GRB10: variants seen among roughly 807,000 people sequenced by gnomAD.
GRB10 encodes growth factor receptor-bound protein 10.
Under a neutral mutation model 80.9 loss-of-function variants are expected in GRB10, and 20 were observed. That is an observed-to-expected ratio of 0.25 (90% CI 0.17 to 0.36). The LOEUF (loss-of-function observed/expected upper bound fraction) is 0.36. GRB10 is among the 10% of genes least tolerant of loss of function. The pLI, the probability that GRB10 is intolerant of heterozygous loss-of-function variation, is 1.00. For missense variants in GRB10, 548 were observed against 747.7 expected (o/e 0.73, Z 3.12); for synonymous variants, 291 against 291.5 (o/e 1.00, Z 0.02).
intron 5 of GRB10, among the ~76,000 whole-genome samples, chr7:50,693,227 A>C (rs949586626): frequency 1.3e-5 from 2 of 152,264 alleles, no homozygotes; most frequent in Non-Finnish European, 2.9e-5. Flanking sequence ...AGGAAAAAAA[A>C]CAAAATTTTT....
At chr7:50,635,379 G>A (rs1260464684) in intron 7 of GRB10, among the ~76,000 whole-genome samples, 8 of 152,154 alleles carry the variant, frequency 5.3e-5, no homozygotes, top group South Asian at 2.1e-4. Flanking sequence ...CAAAAGCAGT[G>A]CTAAGAAATA....
intron 4 of GRB10, among the ~76,000 whole-genome samples, chr7:50,722,230 C>G (rs149474975): frequency 1.3e-5 from 2 of 152,204 alleles, no homozygotes; most frequent in Non-Finnish European, 1.5e-5. Context: ...CACTCTCATG[C>G]CCACTCAGGA....
chr7:50,760,078 C>A (rs2075588148), intron 2 of GRB10, among the ~76,000 whole-genome samples: 1 of 152,174 alleles, frequency 6.6e-6, no homozygotes, highest in Non-Finnish European at 1.5e-5. Flanking sequence ...ATGGGTTAGC[C>A]AGAGAGCGTG....
chr7:50,693,012 C>T (rs1048694570), intron 5 of GRB10, among the ~76,000 whole-genome samples: 19 of 152,084 alleles, frequency 1.2e-4, no homozygotes, highest in Non-Finnish European at 2.6e-4. Context: ...TAGCACAGGC[C>T]TCAAAGTCAT....
At chr7:50,686,721 C>T (rs147419056) in intron 5 of GRB10, among the ~76,000 whole-genome samples, 4 of 152,256 alleles carry the variant, frequency 2.6e-5, no homozygotes, top group African/African-American at 9.6e-5. Flanking sequence ...CCAGGCAATT[C>T]TCATAGTTCA....
intron 7 of GRB10, among the ~76,000 whole-genome samples, chr7:50,640,636 C>T (rs1328572763): frequency 6.6e-6 from 1 of 152,208 alleles, no homozygotes; most frequent in African/African-American, 2.4e-5. Flanking sequence ...CTTGTCCTCT[C>T]AAACCTATGA....
In GRB10 at chr7:50,677,056, C is replaced by T. The variant is rs568176767; in HGVS notation, c.140-2398G>A. Among the ~76,000 whole-genome samples the T allele has an allele frequency of 2.4e-4, 36 of 152,200 alleles. No homozygotes were observed. In the Middle Eastern group the frequency reaches 0.01, roughly 43 times the overall value. On this transcript the variant is annotated intron_variant, in intron 5 of 18. Coordinates refer to ENST00000401949, the MANE Select transcript of GRB10 (RefSeq NM_001350814.2). Reference sequence around the variant, plus strand: ...GAAGAGGAAGGTTGCCTTAGAAAAACAGGGGTCAGATGGATCCGAAGATGC... The same window carrying T: ...GAAGAGGAAGGTTGCCTTAGAAAAATAGGGGTCAGATGGATCCGAAGATGC...
At chr7:50,672,165 C>A (rs574705041) in intron 6 of GRB10, among the ~76,000 whole-genome samples, 2 of 152,188 alleles carry the variant, frequency 1.3e-5, no homozygotes, top group African/African-American at 4.8e-5. Flanking sequence ...ACCCTGCCTG[C>A]CCCCCAGCTC....
chr7:50,623,836 A>G (rs1030176073), intron 8 of GRB10, among the ~76,000 whole-genome samples: 14 of 152,040 alleles, frequency 9.2e-5, no homozygotes, highest in African/African-American at 3.4e-4. Flanking sequence ...TTTTTTTTCA[A>G]ATTTTGGAAC....
intron 7 of GRB10, among the ~76,000 whole-genome samples, chr7:50,664,907 TTAATTTCA>T (rs2059648590): frequency 6.6e-6 from 1 of 152,244 alleles, no homozygotes; most frequent in Admixed American, 6.5e-5. Context: ...AATGACTAAT[TTAATTTCA>T]CCACCTTTTA....
At chr7:50,698,232 C>T (rs151233499) in intron 5 of GRB10, among the ~76,000 whole-genome samples, 40 of 152,260 alleles carry the variant, frequency 2.6e-4, no homozygotes, top group Middle Eastern at 3.4e-3. Flanking sequence ...TATGTACATG[C>T]AAGAAGTTAC....
At chr7:50,698,090 C>T (rs184176304) in intron 5 of GRB10, among the ~76,000 whole-genome samples, 3 of 152,316 alleles carry the variant, frequency 2.0e-5, no homozygotes, top group African/African-American at 4.8e-5. Context: ...ACACATCATG[C>T]TTTCCTTTTT....
At chr7:50,677,361 A>G (rs1041528097) in intron 5 of GRB10, among the ~76,000 whole-genome samples, 3 of 152,146 alleles carry the variant, frequency 2.0e-5, no homozygotes, top group Admixed American at 2.0e-4. Context: ...TTGGCAAAAA[A>G]TCAGGACCCC....
intron 7 of GRB10, among the ~76,000 whole-genome samples, chr7:50,643,172 G>A (rs113357805): frequency 3.0e-4 from 45 of 152,268 alleles, no homozygotes; most frequent in African/African-American, 1.1e-3. Context: ...GTAAATTTGG[G>A]TTCCAAGGGC....
intron 17 of GRB10, among the ~76,000 whole-genome samples, chr7:50,600,948 C>T (rs2047487758): frequency 6.6e-6 from 1 of 152,222 alleles, no homozygotes; most frequent in South Asian, 2.1e-4. Context: ...CAATGCAGCA[C>T]TGTGTCTCAT....
intron 7 of GRB10, among the ~76,000 whole-genome samples, chr7:50,656,468 A>T (rs2058660693): frequency 6.6e-6 from 1 of 152,242 alleles, no homozygotes; most frequent in Non-Finnish European, 1.5e-5. Flanking sequence ...TGCAAACGCC[A>T]CTAGACTCTC....
chr7:50,761,158 A>T (rs1422765388), intron 2 of GRB10, among the ~76,000 whole-genome samples: 1 of 152,258 alleles, frequency 6.6e-6, no homozygotes, highest in African/African-American at 2.4e-5. Flanking sequence ...CCAAGGCCAC[A>T]CAGTTAATCA....
Position 50,709,879 on chromosome 7 carries a change from C to CT in GRB10, c.52-5972dup, listed in dbSNP as rs201349271. The stretch of plus-strand genomic sequence containing the variant: ...GGCCCATGATGGGGGACCCAGGTGT[C>CT]TATGTGTGAACTGCCCTTCCTAATG... On this transcript the variant is annotated intron_variant, in intron 4 of 18. Transcript: ENST00000401949. Among the ~76,000 whole-genome samples the CT allele has an allele frequency of 5.9e-5, 9 of 152,186 alleles. No homozygotes were observed. In the East Asian group the frequency reaches 1.7e-3, roughly 29 times the overall value.
intron 7 of GRB10, among the ~76,000 whole-genome samples, chr7:50,641,487 G>T (rs1482985063): frequency 6.6e-6 from 1 of 152,184 alleles, no homozygotes; most frequent in East Asian, 1.9e-4. Context: ...ACACATTCAT[G>T]AGAGCTGTGA....
Sources: gnomAD v4.1 joint callset for allele counts (sites outside exome capture counted in the v4.1 genomes callset) on GRCh38, gnomAD v4.1.1 for gene constraint, MANE v1.5 for transcripts, NCBI Gene and HGNC (gene_info 2026-07-23, HGNC 2026-07-21) for gene names.